Variants in PRR14L observed in about 807,000 individuals in gnomAD.
PRR14L encodes the protein protein PRR14L.
PRR14L carries 80 observed loss-of-function variants against 155.0 expected under a neutral mutation model. That is an observed-to-expected ratio of 0.52 (90% CI 0.43 to 0.62). PRR14L has a LOEUF of 0.62. Ranked by LOEUF, PRR14L falls within the 20% of genes least tolerant of loss-of-function variation. PRR14L has a pLI of 0.00. For missense variants in PRR14L, 2,469 were observed against 2,548.0 expected (o/e 0.97, Z 0.67); for synonymous variants, 883 against 916.0 (o/e 0.96, Z 0.65).
At chr22:31,696,088 C>T (rs1382843264) in intron 7 of PRR14L, among the ~76,000 whole-genome samples, 7 of 152,016 alleles carry the variant, frequency 4.6e-5, no homozygotes, top group South Asian at 2.1e-4. Flanking sequence ...CACGAGAACC[C>T]GGCTGTAGGA....
At chr22:31,719,181 AT>A (rs2074677177) in intron 3 of PRR14L, among the ~76,000 whole-genome samples, 1 of 151,796 alleles carries the variant, frequency 6.6e-6, no homozygotes, top group African/African-American at 2.4e-5. Context: ...GGCAGAAGGA[AT>A]GCTTGAGCCC....
At position 31,713,576 on chromosome 22, in the gene PRR14L, A is replaced by G; in HGVS notation, c.4263T>C (p.Ser1421=). The G allele has an allele frequency of 6.4e-7, 1 of 1,552,134 alleles. No individual in the cohort carries two copies. Among genetic ancestry groups the G allele is most frequent in the Admixed American group, 2.0e-5 (1 of 50,998 alleles). The change falls in exon 4 of 9, where the codon TCT becomes TCC. Residue 1421 remains serine (S), a synonymous_variant. Coordinates refer to ENST00000327423, the MANE Select transcript of PRR14L (RefSeq NM_173566.3). ...AHTISQQCIS[S]SLLLDDAQNQ... is the part of the protein sequence containing the mutation. ...TTTGTGCATCATCTAACAACAGACT[A>G]GATGATATGCACTGTTGCGATATCG... is the stretch of plus-strand genomic sequence containing the variant.
chr22:31,696,544 A>C (rs1399711291), intron 7 of PRR14L, among the ~76,000 whole-genome samples: 2 of 152,110 alleles, frequency 1.3e-5, no homozygotes, highest in Non-Finnish European at 1.5e-5. Context: ...AAGTGTCGGG[A>C]TTATAGGTGT....
At chr22:31,749,361 G>A (rs927198310) in intron 1 of PRR14L, among the ~76,000 whole-genome samples, 1 of 152,160 alleles carries the variant, frequency 6.6e-6, no homozygotes, top group Non-Finnish European at 1.5e-5. Context: ...ACATCACGAG[G>A]GGAGAGGGAG....
chr22:31,715,348 G>C lies in PRR14L; in HGVS notation c.2491C>G (p.Arg831Gly), dbSNP rs983492717. The part of the protein sequence containing the change: ...ITKYENAFQH[R>G]DHCCQGTGHS... ...CCTGTTCCTTGGCAGCAGTGATCAC[G>C]GTGCTGAAATGCATTTTCATATTTT... is the stretch of plus-strand genomic sequence containing the variant. The change falls in exon 4 of 9, where the codon CGT becomes GGT. Residue 831 changes from arginine (R) to glycine (G), a missense_variant. Physicochemically the swap from Arg to Gly is moderately radical, Grantham distance 125. Coordinates refer to ENST00000327423, the MANE Select transcript of PRR14L (RefSeq NM_173566.3). 1.3e-6 allele frequency: 2 copies of C among 1,551,968 alleles called. No homozygotes were observed. The highest frequency in any genetic ancestry group is 1.7e-6 in the Non-Finnish European group (2 of 1,147,058).
chr22:31,730,351 C>T (rs1448657702), intron 2 of PRR14L, among the ~76,000 whole-genome samples: 1 of 152,056 alleles, frequency 6.6e-6, no homozygotes, highest in Non-Finnish European at 1.5e-5. Flanking sequence ...AGCAGAAAAA[C>T]TGTTTGAACC....
At chr22:31,733,298 GTTTTTTTTTTTT>G (rs1162819822) in intron 2 of PRR14L, among the ~76,000 whole-genome samples, 3 of 64,032 alleles carry the variant, frequency 4.7e-5, no homozygotes, top group South Asian at 6.4e-4. Flanking sequence ...CCTGGCCACT[GTTTTTTTTTTTT>G]TTTTTTTTTT....
At chr22:31,732,614 T>C (rs954677827) in intron 2 of PRR14L, among the ~76,000 whole-genome samples, 1 of 152,214 alleles carries the variant, frequency 6.6e-6, no homozygotes, top group Admixed American at 6.5e-5. Flanking sequence ...TCTTGGAAGC[T>C]TGCACTGGAT....
At chr22:31,732,904 GGTT>G (rs1416354139) in intron 2 of PRR14L, among the ~76,000 whole-genome samples, 5 of 151,844 alleles carry the variant, frequency 3.3e-5, no homozygotes, top group Admixed American at 6.6e-5. Context: ...TGGGCATTTA[GGTT>G]GTTTCCAATA....
intron 3 of PRR14L, among the ~76,000 whole-genome samples, chr22:31,722,417 GA>G (rs563612373): frequency 0.034 from 2,756 of 82,144 alleles, 66 homozygotes; most frequent in African/African-American, 0.095. Flanking sequence ...GTGACAGAAA[GA>G]AAAAAAAAAA....
At position 31,750,093 on chromosome 22, in the gene PRR14L, AGGCCGG is replaced by A. The variant is rs1483886410; in HGVS notation, c.-158_-153del. 2.0e-5 allele frequency: 3 copies of A among 152,426 alleles called. No individual in the cohort carries two copies. Among genetic ancestry groups the A allele is most frequent in the African/African-American group, 7.2e-5 (3 of 41,456 alleles). The allele number at this position is 152,426 out of a possible 1,614,324, so 9.4% of individuals were successfully genotyped here. ...CTACCTGAGCCTACGGAGCCGACAGAGGCCGGGGGCGCTCCGGCCGCCGCCACCTCT... is the reference window on the plus strand; with the variant it reads ...CTACCTGAGCCTACGGAGCCGACAGAGGGCGCTCCGGCCGCCGCCACCTCT... On this transcript the variant is annotated 5_prime_UTR_variant, in exon 1 of 9. Transcript: ENST00000327423.
chr22:31,696,994 G>C (rs1212282962), intron 7 of PRR14L, among the ~76,000 whole-genome samples: 1 of 152,042 alleles, frequency 6.6e-6, no homozygotes, highest in Non-Finnish European at 1.5e-5. Context: ...GTGTGCCTGT[G>C]ATACCAGCTA....
In PRR14L at chr22:31,746,944, C is replaced by T. The variant is rs562263663; in HGVS notation, c.-52+3049G>A. Among the ~76,000 whole-genome samples the T allele has an allele frequency of 4.6e-5, 7 of 151,058 alleles. No homozygotes were observed. In the East Asian group the frequency reaches 1.4e-3, roughly 30 times the overall value. ...CCCAAGTAGCTGGGACTACAGGTGC[C>T]CGCCACCACGCCTGGCTAATTTTTT... On this transcript the variant is annotated intron_variant, in intron 1 of 8. Transcript: ENST00000327423.
At position 31,714,180 on chromosome 22, in the gene PRR14L, T is replaced by G; in HGVS notation, c.3659A>C (p.Glu1220Ala). The change falls in exon 4 of 9, where the codon GAG (glutamate) becomes GCG (alanine). Residue 1220 changes from glutamate to alanine, a missense_variant. Physicochemically the swap from Glu to Ala is moderately radical, Grantham distance 107. This residue lies in a region of PRR14L where 2,363 missense variants were observed against 2,371.6 expected (regional missense o/e 1.00). Transcript: ENST00000327423. ...GCTTTCATCATGGCAAGACATCGAC[T>G]CTTTTGAGGAAATTCCAAAGGTACT... Reference protein sequence around the residue: ...KESTFGISSKESMSCHDESSV... With the variant: ...KESTFGISSKASMSCHDESSV... 1.3e-6 allele frequency: 2 copies of G among 1,551,632 alleles called. No homozygotes were observed. The highest frequency in any genetic ancestry group is 2.4e-5 in the South Asian group (2 of 84,058).
At chr22:31,745,324 C>A (rs969840744) in intron 1 of PRR14L, among the ~76,000 whole-genome samples, 1 of 152,116 alleles carries the variant, frequency 6.6e-6, no homozygotes, top group Admixed American at 6.5e-5. Flanking sequence ...TTGCAGTGAG[C>A]GGAGATTGTG....
intron 1 of PRR14L, among the ~76,000 whole-genome samples, chr22:31,741,000 TC>T (rs1190978325): frequency 6.6e-6 from 1 of 151,832 alleles, no homozygotes; most frequent in Non-Finnish European, 1.5e-5. Context: ...ACGCCTGTAA[TC>T]CCAGCACTTT....
intron 1 of PRR14L, among the ~76,000 whole-genome samples, chr22:31,746,858 G>A (rs1049312291): frequency 1.3e-5 from 2 of 149,328 alleles, no homozygotes; most frequent in African/African-American, 5.0e-5. Flanking sequence ...GCGCAGTGGC[G>A]CGATCTTGGC....
Position 31,713,123 on chromosome 22 carries a change from T to C in PRR14L, c.4716A>G (p.Ala1572=). The C allele has an allele frequency of 1.3e-6, 2 of 1,552,140 alleles. No individual in the cohort carries two copies. The highest frequency in any genetic ancestry group is 1.7e-6 in the Non-Finnish European group (2 of 1,147,092). The change falls in exon 4 of 9, where the codon GCA becomes GCG. Residue 1572 remains alanine (A), a synonymous_variant. Coordinates refer to ENST00000327423, the MANE Select transcript of PRR14L (RefSeq NM_173566.3). ...HRLLSLCTLS[A]PTRLEPETAP... is the part of the protein sequence containing the mutation. Reference sequence around the variant, plus strand: ...CTGTTTCAGGTTCTAATCGTGTAGGTGCAGACAGAGTACACAAACTGAGAA... The same window carrying C: ...CTGTTTCAGGTTCTAATCGTGTAGGCGCAGACAGAGTACACAAACTGAGAA...
intron 7 of PRR14L, among the ~76,000 whole-genome samples, chr22:31,691,962 C>CTT (rs748203701): frequency 2.6e-5 from 4 of 151,662 alleles, no homozygotes; most frequent in Non-Finnish European, 5.9e-5. Context: ...CCACCTCCTG[C>CTT]GTTAAGGCAA....
Sources: gnomAD v4.1 joint callset for allele counts (sites outside exome capture counted in the v4.1 genomes callset) on GRCh38, gnomAD v4.1.1 for gene constraint, gnomAD v4.1.1 regional missense constraint, MANE v1.5 for transcripts, NCBI Gene and HGNC (gene_info 2026-07-23, HGNC 2026-07-21) for gene names.